ALMS1: variants seen among roughly 807,000 people sequenced by gnomAD.
ALMS1 encodes the protein ALMS1 centrosome and basal body associated protein.
Under a neutral mutation model 352.2 loss-of-function variants are expected in ALMS1, and 271 were observed. The observed-to-expected ratio is 0.77, with a 90% CI of 0.70 to 0.85. ALMS1 has a LOEUF of 0.85. Among genes scored for constraint, ALMS1 ranks in the 40% least tolerant of loss-of-function variants. The pLI, the probability that ALMS1 is intolerant of heterozygous loss-of-function variation, is 0.00. For synonymous variants in ALMS1, 1,865 were observed against 1,761.2 expected, an observed-to-expected ratio of 1.06 and a Z score of -1.48; for missense variants, 5,445 against 4,870.7, an observed-to-expected ratio of 1.12 and a Z score of -3.51.
At chr2:73,466,408 C>G (rs1672345183) in intron 9 of ALMS1, among the ~76,000 whole-genome samples, 1 of 148,178 alleles carries the variant, frequency 6.7e-6, no homozygotes, top group Admixed American at 7.0e-5. Flanking sequence ...ACCACATGTT[C>G]TCACTCATAG....
At chr2:73,526,737 C>A (rs1216556174) in intron 11 of ALMS1, among the ~76,000 whole-genome samples, 1 of 152,106 alleles carries the variant, frequency 6.6e-6, no homozygotes, top group Non-Finnish European at 1.5e-5. Flanking sequence ...TGACTTCTTC[C>A]TTTCCAATCT....
chr2:73,529,171 G>A (rs1280465017), intron 11 of ALMS1, among the ~76,000 whole-genome samples: 1 of 151,192 alleles, frequency 6.6e-6, no homozygotes, highest in Admixed American at 6.6e-5. Flanking sequence ...ACCCTCCCGA[G>A]TAGCTGGAAC....
At position 73,484,923 on chromosome 2, in the gene ALMS1, C is replaced by T. The variant is rs201010275; in HGVS notation, c.7675-4711C>T. Among the ~76,000 whole-genome samples, 4 of 152,332 alleles carry T rather than the reference C, an allele frequency of 2.6e-5. No individual in the cohort carries two copies. In the East Asian group the frequency reaches 5.8e-4, roughly 22 times the overall value. On this transcript the variant is annotated intron_variant, in intron 9 of 22. Coordinates refer to ENST00000613296, the MANE Select transcript of ALMS1 (RefSeq NM_001378454.1). ...GTTCTCGAGCCTTGTTTTTCAGCTC[C>T]ATCAGCTCCTTTAAGCACTTCTCTG...
chr2:73,453,233 C>A lies in ALMS1; in HGVS notation c.6706C>A (p.Pro2236Thr), dbSNP rs200724860. ...QADDRVVINKPESAGFRDVGS... is the reference protein window; with the variant it reads ...QADDRVVINKTESAGFRDVGS... ...TGATGACAGAGTTGTAATAAATAAA[C>A]CAGAATCTGCAGGTTTTAGAGATGT... is the stretch of plus-strand genomic sequence containing the variant. Residue 2236 changes from proline to threonine, a missense_variant, in exon 8 of 23, where the codon CCA becomes ACA. Coordinates refer to ENST00000613296, the MANE Select transcript of ALMS1 (RefSeq NM_001378454.1). The A allele has an allele frequency of 9.9e-6, 16 of 1,613,744 alleles. No homozygotes were observed. The African/African-American group carries it at 2.1e-4, about 22-fold the overall frequency.
intron 5 of ALMS1, among the ~76,000 whole-genome samples, chr2:73,426,061 C>G (rs1235164268): frequency 6.6e-6 from 1 of 152,174 alleles, no homozygotes; most frequent in African/African-American, 2.4e-5. Flanking sequence ...TGTTCCTTCT[C>G]TTGACCTTGC....
chr2:73,602,180 T>C lies in ALMS1; in HGVS notation c.12115-5T>C. ...TGGGCATTTTCTCTTTTTTTTTTCT[T>C]TTAGGAATCGCTTCAGTTTCACAGA... On this transcript the variant is annotated splice_region_variant and splice_polypyrimidine_tract_variant and intron_variant, in intron 19 of 22. Coordinates refer to ENST00000613296, the MANE Select transcript of ALMS1 (RefSeq NM_001378454.1). The C allele has an allele frequency of 6.2e-7, 1 of 1,613,500 alleles. No individual in the cohort carries two copies. Among genetic ancestry groups the C allele is most frequent in the Non-Finnish European group, 8.5e-7 (1 of 1,179,680 alleles).
chr2:73,594,746 G>T (rs187631284), intron 16 of ALMS1, among the ~76,000 whole-genome samples: 1 of 152,344 alleles, frequency 6.6e-6, no homozygotes, highest in African/African-American at 2.4e-5. Flanking sequence ...ACAGGAAACA[G>T]ACCTAGCCCT....
intron 16 of ALMS1, among the ~76,000 whole-genome samples, chr2:73,596,292 G>C (rs1675545646): frequency 6.6e-6 from 1 of 152,098 alleles, no homozygotes; most frequent in Non-Finnish European, 1.5e-5. Context: ...TTTGTGTACG[G>C]TGTGTTGTCT....
intron 9 of ALMS1, among the ~76,000 whole-genome samples, chr2:73,484,108 C>T (rs923841838): frequency 6.6e-6 from 1 of 151,606 alleles, no homozygotes; most frequent in Non-Finnish European, 1.5e-5. Context: ...GAATTTGATC[C>T]TGTCATTATG....
At position 73,448,969 on chromosome 2, in the gene ALMS1, A is replaced by G. The variant is rs762688776; in HGVS notation, c.2442A>G (p.Arg814=). ...TACCCTCTAGTGCATACTCACACAG[A>G]GAGAAGCTCCTTGTTTTCTACCAAC... ...PTVPSSAYSH[R]EKLLVFYQQA... The change falls in exon 8 of 23, where the codon AGA becomes AGG. Residue 814 remains arginine (R), a synonymous_variant. Coordinates refer to ENST00000613296, the MANE Select transcript of ALMS1 (RefSeq NM_001378454.1). The G allele has an allele frequency of 2.5e-6, 4 of 1,613,796 alleles. No individual in the cohort carries two copies.
chr2:73,410,228 A>G (rs911763109), intron 2 of ALMS1, among the ~76,000 whole-genome samples: 2 of 152,116 alleles, frequency 1.3e-5, no homozygotes. Flanking sequence ...GTCTCTACTA[A>G]AAATACAAAA....
intron 1 of ALMS1, among the ~76,000 whole-genome samples, chr2:73,398,643 A>G (rs1360779838): frequency 1.3e-5 from 2 of 152,098 alleles, no homozygotes; most frequent in Non-Finnish European, 1.5e-5. Context: ...CCTCATATAG[A>G]TCTTACATGT....
intron 7 of ALMS1, among the ~76,000 whole-genome samples, chr2:73,442,881 G>A (rs1467528976): frequency 2.0e-5 from 3 of 152,100 alleles, no homozygotes; most frequent in African/African-American, 7.2e-5. Flanking sequence ...TGTCCCATAG[G>A]TATCTTAATG....
chr2:73,490,095 T>A lies in ALMS1; in HGVS notation c.8136T>A (p.Thr2712=). The change falls in exon 10 of 23, where the codon ACT becomes ACA. Residue 2712 remains threonine, a synonymous_variant. Coordinates refer to ENST00000613296, the MANE Select transcript of ALMS1 (RefSeq NM_001378454.1). ...MPSPEPMKKF[T]TSITFSSHRH... ...CCCCAGAACCCATGAAAAAGTTTAC[T>A]ACCTCCATCACTTTTTCATCTCACC... The A allele has an allele frequency of 6.2e-7, 1 of 1,614,212 alleles. No homozygotes were observed. Among genetic ancestry groups the A allele is most frequent in the Non-Finnish European group, 8.5e-7 (1 of 1,180,020 alleles).
Position 73,456,014 on chromosome 2 carries a change from C to T in ALMS1, c.7674+719C>T, listed in dbSNP as rs888197319. ...ATAGTACATATTTTCCTTCTATTAA[C>T]TATTTCATATGTAGAAAAGAGCATA... On this transcript the variant is annotated intron_variant, in intron 9 of 22. Coordinates refer to ENST00000613296, the MANE Select transcript of ALMS1 (RefSeq NM_001378454.1). Among the ~76,000 whole-genome samples the T allele has an allele frequency of 2.0e-5, 3 of 152,030 alleles. No individual in the cohort carries two copies. The East Asian group carries it at 5.8e-4, about 29-fold the overall frequency.
chr2:73,468,646 G>A (rs572797895), intron 9 of ALMS1, among the ~76,000 whole-genome samples: 1 of 151,796 alleles, frequency 6.6e-6, no homozygotes, highest in Non-Finnish European at 1.5e-5. Flanking sequence ...TACAATATTT[G>A]TCTTTTTGTG....
chr2:73,527,884 A>G (rs1350574010), intron 11 of ALMS1, among the ~76,000 whole-genome samples: 3 of 151,768 alleles, frequency 2.0e-5, no homozygotes, highest in Non-Finnish European at 4.4e-5. Context: ...GTAGGTGCTT[A>G]TACCTATAAA....
At chr2:73,595,455 C>T (rs963411408) in intron 16 of ALMS1, among the ~76,000 whole-genome samples, 10 of 152,128 alleles carry the variant, frequency 6.6e-5, no homozygotes, top group African/African-American at 1.2e-4. Flanking sequence ...AAGGTTCATC[C>T]GTGCTGTAGT....
intron 16 of ALMS1, among the ~76,000 whole-genome samples, chr2:73,585,603 C>T (rs1388635390): frequency 6.6e-6 from 1 of 151,502 alleles, no homozygotes; most frequent in Non-Finnish European, 1.5e-5. Flanking sequence ...ACTGTCTGAG[C>T]CAGGATGGTC....
Sources: allele counts gnomAD v4.1 joint callset (sites outside exome capture counted in the v4.1 genomes callset), GRCh38; gene constraint gnomAD v4.1.1; transcripts MANE v1.5; gene names NCBI Gene and HGNC (gene_info 2026-07-23, HGNC 2026-07-21).